Variants in LDLRAD4 observed in about 807,000 individuals in gnomAD.
LDLRAD4 encodes low-density lipoprotein receptor class A domain-containing protein 4.
LDLRAD4 carries 5 observed loss-of-function variants against 17.0 expected under a neutral mutation model. That is an observed-to-expected ratio of 0.29 (90% CI 0.15 to 0.62). The LOEUF (loss-of-function observed/expected upper bound fraction) is 0.62, where lower values mean the gene tolerates loss of function less well. LDLRAD4 is among the 20% of genes least tolerant of loss of function. The pLI is 0.84. For synonymous variants in LDLRAD4, 168 were observed against 171.8 expected (o/e 0.98, Z 0.17); for missense variants, 340 against 424.7 (o/e 0.80, Z 1.75).
intron 2 of LDLRAD4, among the ~76,000 whole-genome samples, chr18:13,408,337 G>C (rs776825870): frequency 7.1e-6 from 1 of 140,848 alleles, no homozygotes; most frequent in Non-Finnish European, 1.5e-5. Context: ...TCATGCCACT[G>C]CACTCCAGTC....
intron 3 of LDLRAD4, among the ~76,000 whole-genome samples, chr18:13,599,164 G>C (rs1490718495): frequency 6.6e-6 from 1 of 152,156 alleles, no homozygotes; most frequent in Non-Finnish European, 1.5e-5. Flanking sequence ...CATAGGCTTT[G>C]TTGGGAAGTG....
At chr18:13,502,004 C>T (rs2093622371) in intron 3 of LDLRAD4, among the ~76,000 whole-genome samples, 1 of 152,200 alleles carries the variant, frequency 6.6e-6, no homozygotes, top group Admixed American at 6.5e-5. Flanking sequence ...CTGAGAAGTC[C>T]GGGTAGGTGC....
chr18:13,360,667 G>C (rs931802323), intron 1 of LDLRAD4, among the ~76,000 whole-genome samples: 4 of 152,228 alleles, frequency 2.6e-5, no homozygotes, highest in Non-Finnish European at 4.4e-5. Context: ...AAGATAAGTT[G>C]ATGTAAGAGA....
At chr18:13,523,732 G>A (rs982152655) in intron 3 of LDLRAD4, among the ~76,000 whole-genome samples, 1 of 152,082 alleles carries the variant, frequency 6.6e-6, no homozygotes, top group African/African-American at 2.4e-5. Context: ...CTTTTCTATG[G>A]GGACCCCTTT....
intron 3 of LDLRAD4, among the ~76,000 whole-genome samples, chr18:13,541,263 A>C (rs1402361949): frequency 3.3e-5 from 5 of 152,378 alleles, no homozygotes; most frequent in African/African-American, 1.2e-4. Context: ...CACTCATTGC[A>C]GCAGTGAAAT....
chr18:13,304,270 T>C (rs2046781047), intron 1 of LDLRAD4, among the ~76,000 whole-genome samples: 1 of 152,174 alleles, frequency 6.6e-6, no homozygotes, highest in Non-Finnish European at 1.5e-5. Context: ...GTGGTTCCTC[T>C]GTAGAATGTT....
chr18:13,345,531 G>T (rs560123682), intron 1 of LDLRAD4, among the ~76,000 whole-genome samples: 1 of 152,264 alleles, frequency 6.6e-6, no homozygotes, highest in East Asian at 1.9e-4. Flanking sequence ...AGGGATATTG[G>T]TCTAAAATTC....
chr18:13,225,731 A>G (rs2041747671), intron 1 of LDLRAD4, among the ~76,000 whole-genome samples: 1 of 152,214 alleles, frequency 6.6e-6, no homozygotes, highest in Non-Finnish European at 1.5e-5. Context: ...CTATGATCTC[A>G]CTGCTAGAGA....
chr18:13,577,559 T>A (rs765530773), intron 3 of LDLRAD4, among the ~76,000 whole-genome samples: 1 of 151,804 alleles, frequency 6.6e-6, no homozygotes. Context: ...GAAATGGGGA[T>A]GTTCTTATTC....
chr18:13,556,678 CAAAGACTTGCT>C (rs2094487307), intron 3 of LDLRAD4, among the ~76,000 whole-genome samples: 1 of 152,126 alleles, frequency 6.6e-6, no homozygotes, highest in African/African-American at 2.4e-5. Flanking sequence ...CATGGGTAAA[CAAAGACTTGCT>C]AATGGGATAC....
chr18:13,475,626 T>C (rs774692504), intron 3 of LDLRAD4, among the ~76,000 whole-genome samples: 9 of 152,082 alleles, frequency 5.9e-5, no homozygotes, highest in Non-Finnish European at 1.2e-4. Context: ...TAGCTTATGG[T>C]GCACACGGAC....
intron 2 of LDLRAD4, among the ~76,000 whole-genome samples, chr18:13,412,300 A>G (rs117589974): frequency 0.052 from 7,902 of 152,300 alleles, 279 homozygotes; most frequent in Non-Finnish European, 0.078. Flanking sequence ...TTCCTAGAGC[A>G]TGACATGTCC....
At chr18:13,345,621 CT>C (rs544321691) in intron 1 of LDLRAD4, among the ~76,000 whole-genome samples, 185 of 152,296 alleles carry the variant, frequency 1.2e-3, no homozygotes, top group African/African-American at 4.2e-3. Flanking sequence ...AGGATTCCCT[CT>C]TTTTTTATTG....
intron 3 of LDLRAD4, among the ~76,000 whole-genome samples, chr18:13,590,417 C>A (rs1463230401): frequency 6.6e-6 from 1 of 152,124 alleles, no homozygotes; most frequent in Non-Finnish European, 1.5e-5. Flanking sequence ...TCATACGTAG[C>A]AGAAAATCAA....
chr18:13,301,997 C>T (rs548435873), intron 1 of LDLRAD4, among the ~76,000 whole-genome samples: 1 of 152,360 alleles, frequency 6.6e-6, no homozygotes, highest in Admixed American at 6.5e-5. Context: ...CTCTCTCCCC[C>T]TCCCAGATAC....
intron 2 of LDLRAD4, among the ~76,000 whole-genome samples, chr18:13,432,953 G>A (rs929314019): frequency 6.6e-6 from 1 of 152,228 alleles, no homozygotes; most frequent in Admixed American, 6.5e-5. Flanking sequence ...CTGGCCTCAA[G>A]CTATCCTCCT....
chr18:13,591,872 C>A (rs568119366), intron 3 of LDLRAD4, among the ~76,000 whole-genome samples: 38 of 152,240 alleles, frequency 2.5e-4, no homozygotes, highest in African/African-American at 7.7e-4. Flanking sequence ...ATTGTTATAA[C>A]ATCGTTAGGG....
At chr18:13,442,614 G>A (rs1322990273) in intron 3 of LDLRAD4, among the ~76,000 whole-genome samples, 1 of 152,196 alleles carries the variant, frequency 6.6e-6, no homozygotes, top group Non-Finnish European at 1.5e-5. Context: ...CTGGCCGGCC[G>A]GCTGCGGGGA....
At chr18:13,262,074 A>G (rs1598964261) in intron 1 of LDLRAD4, among the ~76,000 whole-genome samples, 2 of 95,216 alleles carry the variant, frequency 2.1e-5, no homozygotes, top group Admixed American at 1.2e-4. Context: ...CTGTGCGTGG[A>G]AACTGAGTCC....
Sources: allele counts gnomAD v4.1 joint callset (sites outside exome capture counted in the v4.1 genomes callset), GRCh38; gene constraint gnomAD v4.1.1; transcripts MANE v1.5; gene names NCBI Gene and HGNC (gene_info 2026-07-23, HGNC 2026-07-21).